GPC5: variants seen among roughly 807,000 people sequenced by gnomAD.
GPC5 encodes glypican 5.
GPC5 carries 47 observed loss-of-function variants against 53.9 expected under a neutral mutation model. That is an observed-to-expected ratio of 0.87 (90% CI 0.69 to 1.11). The LOEUF is 1.11. Ranked by LOEUF, GPC5 falls within the 50% of genes most tolerant of loss-of-function variation. The pLI is 0.00. For missense variants in GPC5, 748 were observed against 713.1 expected (o/e 1.05, Z -0.56); for synonymous variants, 286 against 263.3 (o/e 1.09, Z -0.84).
chr13:92,126,140 A>G (rs2041695381), intron 6 of GPC5, among the ~76,000 whole-genome samples: 2 of 151,418 alleles, frequency 1.3e-5, no homozygotes, highest in African/African-American at 4.9e-5. Context: ...TTTTTAGTAG[A>G]GACAGGGTTT....
intron 7 of GPC5, among the ~76,000 whole-genome samples, chr13:92,338,606 A>G (rs1334378946): frequency 6.6e-6 from 1 of 152,138 alleles, no homozygotes; most frequent in Non-Finnish European, 1.5e-5. Flanking sequence ...AGAACATTAC[A>G]GGCATATTAT....
intron 7 of GPC5, among the ~76,000 whole-genome samples, chr13:92,583,817 T>A (rs552588567): frequency 8.5e-5 from 13 of 152,262 alleles, no homozygotes; most frequent in African/African-American, 2.4e-4. Flanking sequence ...GGCAGGTAAT[T>A]GAATCATGAG....
At chr13:91,461,502 A>G (rs1394741445) in intron 2 of GPC5, among the ~76,000 whole-genome samples, 1 of 152,100 alleles carries the variant, frequency 6.6e-6, no homozygotes, top group Non-Finnish European at 1.5e-5. Flanking sequence ...AACTTCTTCT[A>G]GCTGGACCTC....
intron 7 of GPC5, among the ~76,000 whole-genome samples, chr13:92,453,720 A>G (rs1247457957): frequency 6.6e-6 from 1 of 152,166 alleles, no homozygotes. Context: ...TTTGAGGGAA[A>G]TGGAAGCATA....
intron 7 of GPC5, among the ~76,000 whole-genome samples, chr13:92,575,902 C>G (rs2139046649): frequency 6.6e-6 from 1 of 152,176 alleles, no homozygotes; most frequent in African/African-American, 2.4e-5. Flanking sequence ...TTTTTGGTTC[C>G]CTGGCACATA....
chr13:91,464,446 G>A (rs575623409), intron 2 of GPC5, among the ~76,000 whole-genome samples: 1 of 152,102 alleles, frequency 6.6e-6, no homozygotes, highest in South Asian at 2.1e-4. Context: ...AGCTTTATTT[G>A]TAGTAGCCCC....
chr13:91,447,329 CT>C lies in GPC5; in HGVS notation c.164-1418del, dbSNP rs777903840. On this transcript the variant is annotated intron_variant, in intron 1 of 7. Coordinates refer to ENST00000377067, the MANE Select transcript of GPC5 (RefSeq NM_004466.6). Reference sequence around the variant, plus strand: ...TTTAGGAATAAAGCTGAGAAGATAGCTTTTTTTTTTTTTTCAAATAATTTTA... The same window carrying C: ...TTTAGGAATAAAGCTGAGAAGATAGCTTTTTTTTTTTTTCAAATAATTTTA... Among the ~76,000 whole-genome samples, 997 of 137,262 alleles carry C rather than the reference CT, an allele frequency of 7.3e-3. 1 individual carries two copies. Among genetic ancestry groups the C allele is most frequent in the African/African-American group, 0.018 (692 of 37,464 alleles). 90.0% of individuals were successfully genotyped at this position (137,262 alleles called of 152,430 possible). A position where few individuals can be genotyped will look rare whatever the true frequency, so the allele number is the denominator to read the frequency against.
At chr13:91,485,192 G>T (rs566448873) in intron 2 of GPC5, among the ~76,000 whole-genome samples, 47 of 148,518 alleles carry the variant, frequency 3.2e-4, no homozygotes, top group African/African-American at 9.9e-4. Flanking sequence ...GTTTGTTTCT[G>T]TACCATCATA....
intron 7 of GPC5, among the ~76,000 whole-genome samples, chr13:92,566,707 C>G (rs1367042944): frequency 6.6e-6 from 1 of 152,060 alleles, no homozygotes; most frequent in Non-Finnish European, 1.5e-5. Flanking sequence ...CCAGTGTGTT[C>G]TATGTCCTCA....
chr13:92,350,156 G>GA (rs1021507718), intron 7 of GPC5, among the ~76,000 whole-genome samples: 1 of 152,046 alleles, frequency 6.6e-6, no homozygotes, highest in Non-Finnish European at 1.5e-5. Flanking sequence ...ATTAGATGCA[G>GA]AAAAAAGCAC....
chr13:91,998,124 G>A (rs2040520719), intron 6 of GPC5, among the ~76,000 whole-genome samples: 1 of 152,164 alleles, frequency 6.6e-6, no homozygotes. Context: ...TTATTGAAAA[G>A]TTTTTTATTC....
chr13:92,851,656 C>T (rs1275039915), intron 7 of GPC5, among the ~76,000 whole-genome samples: 10 of 151,010 alleles, frequency 6.6e-5, no homozygotes, highest in South Asian at 4.2e-4. Context: ...CCAAGGAGGG[C>T]GGATCACAAG....
At position 91,799,274 on chromosome 13, in the gene GPC5, T is replaced by C. The variant is rs142766876; in HGVS notation, c.1280+42854T>C. Among the ~76,000 whole-genome samples the C allele has an allele frequency of 9.9e-5, 15 of 152,228 alleles. No individual in the cohort carries two copies. The East Asian group carries it at 2.1e-3, about 22-fold the overall frequency. On this transcript the variant is annotated intron_variant, in intron 5 of 7. Transcript: ENST00000377067. Reference sequence around the variant, plus strand: ...CCTATTCTCACTTATAAATGGAAGCTAAACATTGGGTACTCACGGACATAA... The same window carrying C: ...CCTATTCTCACTTATAAATGGAAGCCAAACATTGGGTACTCACGGACATAA...
chr13:91,500,628 A>G (rs1404117949), intron 2 of GPC5, among the ~76,000 whole-genome samples: 1 of 152,176 alleles, frequency 6.6e-6, no homozygotes, highest in Non-Finnish European at 1.5e-5. Flanking sequence ...GATATTGGCC[A>G]ATCCTGGAGA....
In GPC5 at chr13:91,699,437, G is replaced by A. The variant is rs2035949780; in HGVS notation, c.1020+5556G>A. ...TGCAATTTTAGATATTTTAATTTTA[G>A]ATATCTAAATGCAATACATTCTACA... On this transcript the variant is annotated intron_variant, in intron 3 of 7. Coordinates refer to ENST00000377067, the MANE Select transcript of GPC5 (RefSeq NM_004466.6). 2.6e-5 allele frequency among the ~76,000 whole-genome samples: 4 copies of A among 152,104 alleles called. No homozygotes were observed. In the South Asian group the frequency reaches 8.3e-4, roughly 32 times the overall value.
At chr13:92,206,049 A>C (rs915457339) in intron 7 of GPC5, among the ~76,000 whole-genome samples, 1 of 151,374 alleles carries the variant, frequency 6.6e-6, no homozygotes, top group African/African-American at 2.4e-5. Flanking sequence ...TCTCAAAAAA[A>C]AAAAAAAAAA....
chr13:92,246,656 G>C (rs2042652951), intron 7 of GPC5, among the ~76,000 whole-genome samples: 3 of 152,072 alleles, frequency 2.0e-5, no homozygotes, highest in Admixed American at 6.6e-5. Flanking sequence ...ATATGTAAAA[G>C]CAATCTACTA....
At chr13:92,442,043 A>C (rs929770760) in intron 7 of GPC5, among the ~76,000 whole-genome samples, 3 of 152,240 alleles carry the variant, frequency 2.0e-5, no homozygotes, top group Admixed American at 6.5e-5. Flanking sequence ...GACTCACAAA[A>C]TAAACACAGC....
chr13:92,864,920 T>A (rs983307164), intron 7 of GPC5, among the ~76,000 whole-genome samples: 2 of 152,180 alleles, frequency 1.3e-5, no homozygotes, highest in Non-Finnish European at 2.9e-5. Context: ...TGAAGTTTAT[T>A]CTTTCAATCT....
Sources: gnomAD v4.1 joint callset for allele counts (sites outside exome capture counted in the v4.1 genomes callset) on GRCh38, gnomAD v4.1.1 for gene constraint, MANE v1.5 for transcripts, NCBI Gene and HGNC (gene_info 2026-07-23, HGNC 2026-07-21) for gene names.